Variants in HECTD2 observed in about 807,000 individuals in gnomAD.
HECTD2 encodes HECT domain E3 ubiquitin protein ligase 2.
In HECTD2, 35 loss-of-function variants were observed where a neutral mutation model predicts 103.2. The observed-to-expected ratio is 0.34, with a 90% CI of 0.26 to 0.45. The LOEUF (loss-of-function observed/expected upper bound fraction) is 0.45, where lower values mean the gene tolerates loss of function less well. HECTD2 is among the 20% of genes least tolerant of loss of function. The pLI, the probability that HECTD2 is intolerant of heterozygous loss-of-function variation, is 1.00. For missense variants in HECTD2, 596 were observed against 937.4 expected, an observed-to-expected ratio of 0.64 and a Z score of 4.76; for synonymous variants, 281 against 329.9, an observed-to-expected ratio of 0.85 and a Z score of 1.61.
intron 11 of HECTD2, among the ~76,000 whole-genome samples, chr10:91,490,890 CAAAAAAAAAAAAAAAAAAA>C (rs61035151): frequency 7.3e-5 from 1 of 13,616 alleles, no homozygotes; most frequent in African/African-American, 2.3e-4. Context: ...GACTCCGTCT[CAAAAAAAAAAAAAAAAAAA>C]AAAAAAAAAA....
chr10:91,481,768 A>C (rs1225370944), intron 7 of HECTD2, among the ~76,000 whole-genome samples: 3 of 151,810 alleles, frequency 2.0e-5, no homozygotes, highest in African/African-American at 7.2e-5. Context: ...CATACTATTA[A>C]TACATTTGCA....
Position 91,483,002 on chromosome 10 carries a change from C to G in HECTD2, c.747C>G (p.Ile249Met). The change falls in exon 8 of 21, where the codon ATC (isoleucine) becomes ATG (methionine). Residue 249 changes from isoleucine to methionine, a missense_variant. Around this residue, in one of 4 missense-constraint regions of HECTD2, gnomAD observed 303 missense variants for 522.5 expected, o/e 0.58. Transcript: ENST00000298068. ...PQFNNTSTYV[I>M]YAHLLRQIAT... ...TTAATAACACATCTACGTATGTCAT[C>G]TATGCTCACTTGCTACGACAGATAG... 6.3e-7 allele frequency: 1 copy of G among 1,576,964 alleles called. No homozygotes were observed. The highest frequency in any genetic ancestry group is 8.7e-7 in the Non-Finnish European group (1 of 1,149,812).
chr10:91,471,976 G>T (rs1845745868), intron 5 of HECTD2, among the ~76,000 whole-genome samples: 1 of 152,166 alleles, frequency 6.6e-6, no homozygotes, highest in Non-Finnish European at 1.5e-5. Flanking sequence ...AAATTCATAT[G>T]AAACTAGAAA....
intron 20 of HECTD2, among the ~76,000 whole-genome samples, chr10:91,508,378 C>A (rs1166281491): frequency 6.7e-6 from 1 of 150,194 alleles, no homozygotes; most frequent in African/African-American, 2.4e-5. Flanking sequence ...ACTCATCTGA[C>A]AAAGGGCTAA....
intron 8 of HECTD2, 61 bp from the exon 9 acceptor site, chr10:91,484,446 A>C (rs1846196700): frequency 6.5e-7 from 1 of 1,548,872 alleles, no homozygotes; most frequent in African/African-American, 1.4e-5. Flanking sequence ...AATATCTAAC[A>C]GATAATTTTG....
intron 2 of HECTD2, among the ~76,000 whole-genome samples, chr10:91,439,911 G>C (rs1458995952): frequency 6.6e-6 from 1 of 152,120 alleles, no homozygotes; most frequent in Non-Finnish European, 1.5e-5. Flanking sequence ...AGGAATGCTT[G>C]TGATTTTTGC....
chr10:91,421,050 T>C (rs1161409155), intron 1 of HECTD2, among the ~76,000 whole-genome samples: 1 of 152,140 alleles, frequency 6.6e-6, no homozygotes, highest in Non-Finnish European at 1.5e-5. Flanking sequence ...CTCAGGCTTT[T>C]TTCCCCTTCA....
chr10:91,510,598 A>G (rs1292214659), intron 20 of HECTD2, among the ~76,000 whole-genome samples: 1 of 152,232 alleles, frequency 6.6e-6, no homozygotes, highest in African/African-American at 2.4e-5. Flanking sequence ...AGAGAAAACA[A>G]ATGTTTTAAA....
intron 2 of HECTD2, among the ~76,000 whole-genome samples, chr10:91,459,996 A>G (rs1022191623): frequency 8.5e-5 from 13 of 152,132 alleles, no homozygotes; most frequent in Non-Finnish European, 1.6e-4. Context: ...AAAATTGCCT[A>G]CTGGCATGCT....
chr10:91,423,237 C>T (rs1843425101), intron 1 of HECTD2, among the ~76,000 whole-genome samples: 1 of 152,108 alleles, frequency 6.6e-6, no homozygotes, highest in South Asian at 2.1e-4. Context: ...GTCATTCAAA[C>T]TGGAGTTTGA....
At chr10:91,497,222 T>G (rs960435201) in intron 15 of HECTD2, among the ~76,000 whole-genome samples, 8 of 145,002 alleles carry the variant, frequency 5.5e-5, no homozygotes, top group African/African-American at 2.0e-4. Context: ...GTGATCCGCC[T>G]GCCTCAGCCT....
intron 1 of HECTD2, among the ~76,000 whole-genome samples, chr10:91,422,183 G>T (rs775168326): frequency 5.3e-5 from 8 of 152,110 alleles, no homozygotes; most frequent in Non-Finnish European, 8.8e-5. Context: ...TAGCCTGAAG[G>T]CCTCATAATA....
intron 1 of HECTD2, 28 bp downstream of exon 1, chr10:91,410,604 GC>G (rs1010693194): frequency 4.6e-5 from 54 of 1,182,336 alleles, no homozygotes; most frequent in African/African-American, 1.7e-4. Context: ...GCCGTCTGGC[GC>G]CCCGGACGGC....
chr10:91,465,848 G>A (rs1252964926), intron 5 of HECTD2, among the ~76,000 whole-genome samples: 1 of 151,884 alleles, frequency 6.6e-6, no homozygotes, highest in Non-Finnish European at 1.5e-5. Flanking sequence ...ATTTTGTTGA[G>A]GATTTTTTTG....
intron 20 of HECTD2, among the ~76,000 whole-genome samples, chr10:91,505,926 TCAGACCA>T (rs1348028835): frequency 2.6e-5 from 4 of 152,100 alleles, no homozygotes; most frequent in Non-Finnish European, 5.9e-5. Flanking sequence ...AAACTATCTC[TCAGACCA>T]CAGTGCAATC....
At chr10:91,498,780 A>G (rs995166695) in intron 16 of HECTD2, 92 bp from the exon 17 acceptor site, 4 of 714,022 alleles carry the variant, frequency 5.6e-6, no homozygotes, top group East Asian at 5.3e-5. Context: ...AGGAAGGGGG[A>G]AAAAAACTGT....
intron 20 of HECTD2, among the ~76,000 whole-genome samples, chr10:91,509,125 G>A (rs983312837): frequency 8.0e-6 from 1 of 124,766 alleles, no homozygotes; most frequent in Non-Finnish European, 1.6e-5. Context: ...GGACTGTTGT[G>A]GGGTGGGGGG....
Position 91,487,776 on chromosome 10 carries a change from A to G in HECTD2, c.1189A>G (p.Arg397Gly). The G allele has an allele frequency of 6.4e-7, 1 of 1,567,904 alleles. No homozygotes were observed. Among genetic ancestry groups the G allele is most frequent in the Non-Finnish European group, 8.8e-7 (1 of 1,141,924 alleles). ...AGAGCAACAGATGATAAACATCGCA[A>G]GGGTAAGTCAGCTATAAAAACATAT... ...DSEQQMINIA[R>G]QSLVDKVSRR... Residue 397 changes from arginine (R) to glycine (G), a missense_variant and splice_region_variant, in exon 11 of 21, where the codon AGG becomes GGG. By Grantham distance (125) the Arg-to-Gly change is moderately radical (BLOSUM62 -2). Coordinates refer to ENST00000298068, the MANE Select transcript of HECTD2 (RefSeq NM_182765.6). This position sits in a 1 kb window ranked among gnomAD's most constrained non-coding sequence, Gnocchi z 4.1.
At chr10:91,470,290 C>CT (rs1420991032) in intron 5 of HECTD2, among the ~76,000 whole-genome samples, 1 of 152,156 alleles carries the variant, frequency 6.6e-6, no homozygotes, top group Non-Finnish European at 1.5e-5. Context: ...ATGACACATA[C>CT]TTTAAGATCG....
Sources: gnomAD v4.1 joint callset for allele counts (sites outside exome capture counted in the v4.1 genomes callset) on GRCh38, gnomAD v4.1.1 for gene constraint, gnomAD v4.1.1 regional missense constraint, Gnocchi (gnomAD v3.1) non-coding constraint, MANE v1.5 for transcripts, NCBI Gene and HGNC (gene_info 2026-07-23, HGNC 2026-07-21) for gene names.